EBF1: variants seen among roughly 807,000 people sequenced by gnomAD.
EBF1 encodes the protein transcription factor COE1.
Under a neutral mutation model 68.4 loss-of-function variants are expected in EBF1, and 10 were observed. The ratio of observed to expected loss-of-function variants is 0.15; its 90% CI spans 0.09 to 0.25. The LOEUF (loss-of-function observed/expected upper bound fraction) is 0.25. EBF1 is among the 10% of genes least tolerant of loss of function. The pLI is 1.00. For synonymous variants in EBF1, 298 were observed against 299.8 expected (o/e 0.99, Z 0.06); for missense variants, 509 against 794.4 (o/e 0.64, Z 4.32).
intron 6 of EBF1, among the ~76,000 whole-genome samples, chr5:158,867,401 G>A (rs1397358192): frequency 6.6e-6 from 1 of 152,134 alleles, no homozygotes; most frequent in African/African-American, 2.4e-5. Flanking sequence ...CTTTACCTCC[G>A]TATTTTCATC....
At position 159,036,326 on chromosome 5, in the gene EBF1, A is replaced by C. The variant is rs558796239; in HGVS notation, c.554+37070T>G. Among the ~76,000 whole-genome samples the C allele has an allele frequency of 2.0e-5, 3 of 152,116 alleles. No individual in the cohort carries two copies. The East Asian group carries it at 5.8e-4, about 29-fold the overall frequency. Reference sequence around the variant, plus strand: ...CTACTTTAAAGTTCATATGGAACCAAAAAAGAGCCCACATCGCCAAGTCAA... The same window carrying C: ...CTACTTTAAAGTTCATATGGAACCACAAAAGAGCCCACATCGCCAAGTCAA... On this transcript the variant is annotated intron_variant, in intron 6 of 15. Transcript: ENST00000313708.
At chr5:159,002,379 T>C (rs114318530) in intron 6 of EBF1, among the ~76,000 whole-genome samples, 11 of 152,200 alleles carry the variant, frequency 7.2e-5, no homozygotes, top group Non-Finnish European at 1.5e-4. Context: ...ATGCCCTCAC[T>C]GAAAAAGGCA....
At chr5:159,010,628 C>T (rs1352568133) in intron 6 of EBF1, among the ~76,000 whole-genome samples, 1 of 152,188 alleles carries the variant, frequency 6.6e-6, no homozygotes, top group African/African-American at 2.4e-5. Flanking sequence ...GTCTCCACAA[C>T]TCTTTTAGAG....
At chr5:158,726,679 T>A (rs1321990823) in intron 11 of EBF1, among the ~76,000 whole-genome samples, 2 of 152,004 alleles carry the variant, frequency 1.3e-5, no homozygotes, top group African/African-American at 4.8e-5. Flanking sequence ...GCCTTCTCAG[T>A]AGGGAAATGA....
intron 6 of EBF1, among the ~76,000 whole-genome samples, chr5:158,919,458 T>C (rs550167295): frequency 6.6e-6 from 1 of 152,274 alleles, no homozygotes; most frequent in African/African-American, 2.4e-5. Context: ...CCAAATAATG[T>C]GCTGGAAAAC....
intron 6 of EBF1, among the ~76,000 whole-genome samples, chr5:159,059,504 A>G (rs1475223158): frequency 6.6e-6 from 1 of 152,254 alleles, no homozygotes; most frequent in Non-Finnish European, 1.5e-5. Context: ...CTCAGGAAGA[A>G]CACCACAACG....
chr5:158,876,869 G>A (rs1295861841), intron 6 of EBF1, among the ~76,000 whole-genome samples: 1 of 152,196 alleles, frequency 6.6e-6, no homozygotes, highest in East Asian at 1.9e-4. Flanking sequence ...CCCAGCTTTG[G>A]ATTTTCATAA....
At chr5:158,790,432 T>A (rs1426724024) in intron 9 of EBF1, among the ~76,000 whole-genome samples, 1 of 152,094 alleles carries the variant, frequency 6.6e-6, no homozygotes, top group Non-Finnish European at 1.5e-5. Flanking sequence ...ATGACTTGGC[T>A]CCATTAACAT....
chr5:158,885,929 C>G (rs1799950326), intron 6 of EBF1, among the ~76,000 whole-genome samples: 1 of 152,210 alleles, frequency 6.6e-6, no homozygotes, highest in East Asian at 1.9e-4. Flanking sequence ...GTTGAAATTG[C>G]TTCTCTGCCT....
chr5:159,095,372 C>T (rs999184918), intron 4 of EBF1, among the ~76,000 whole-genome samples: 3 of 152,174 alleles, frequency 2.0e-5, no homozygotes, highest in Non-Finnish European at 1.5e-5. Context: ...CGCCACTCAG[C>T]ACCCTGCAGT....
chr5:158,719,943 T>G (rs933127836), intron 11 of EBF1, among the ~76,000 whole-genome samples: 1 of 152,118 alleles, frequency 6.6e-6, no homozygotes, highest in Non-Finnish European at 1.5e-5. Flanking sequence ...CAAGCATCCA[T>G]AATCAAAGTC....
At chr5:158,802,340 T>C (rs1410059328) in intron 8 of EBF1, among the ~76,000 whole-genome samples, 1 of 152,164 alleles carries the variant, frequency 6.6e-6, no homozygotes, top group East Asian at 1.9e-4. Context: ...CTAAATACAC[T>C]GGAGAAACAA....
chr5:158,824,853 C>T (rs539598715), intron 7 of EBF1, among the ~76,000 whole-genome samples: 4 of 152,336 alleles, frequency 2.6e-5, no homozygotes, highest in South Asian at 2.1e-4. Context: ...TGGCAAAATA[C>T]GATGAATTTC....
At chr5:158,842,621 C>T (rs896273570) in intron 6 of EBF1, among the ~76,000 whole-genome samples, 2 of 152,152 alleles carry the variant, frequency 1.3e-5, no homozygotes, top group African/African-American at 2.4e-5. Context: ...CAATAACAGG[C>T]CTTACTGTAT....
At chr5:159,054,262 C>CA (rs999179785) in intron 6 of EBF1, among the ~76,000 whole-genome samples, 5 of 151,606 alleles carry the variant, frequency 3.3e-5, no homozygotes, top group Admixed American at 1.3e-4. Context: ...GGAAAGCAAA[C>CA]AAAAAAACAG....
At chr5:158,751,868 G>T (rs1244197442) in intron 10 of EBF1, among the ~76,000 whole-genome samples, 1 of 152,076 alleles carries the variant, frequency 6.6e-6, no homozygotes, top group African/African-American at 2.4e-5. Flanking sequence ...TTTGTAAGTT[G>T]CTGAGGCAAG....
intron 8 of EBF1, among the ~76,000 whole-genome samples, chr5:158,814,347 TA>T (rs1203759919): frequency 2.6e-5 from 4 of 151,218 alleles, no homozygotes; most frequent in Non-Finnish European, 5.9e-5. Flanking sequence ...CCTGTCTCAT[TA>T]AAAAAAAAGT....
rs1281459490 is a variant in EBF1, at chr5:158,702,707, G to A, written c.1745-3565C>T. Among the ~76,000 whole-genome samples, 8 of 115,060 alleles carry A rather than the reference G, an allele frequency of 7.0e-5. No individual in the cohort carries two copies. The South Asian group carries it at 2.1e-3, about 30-fold the overall frequency. 75.5% of individuals were successfully genotyped at this position (115,060 alleles called of 152,430 possible). A position where few individuals can be genotyped will look rare whatever the true frequency, so the allele number is the denominator to read the frequency against. On this transcript the variant is annotated intron_variant, in intron 15 of 15. Coordinates refer to ENST00000313708, the MANE Select transcript of EBF1 (RefSeq NM_024007.5). Reference sequence around the variant, plus strand: ...TGCAGTGAGCCGAGATCGCGCCACTGCACTCCAGCCTGGGCTACAGAGGGA... The same window carrying A: ...TGCAGTGAGCCGAGATCGCGCCACTACACTCCAGCCTGGGCTACAGAGGGA...
At chr5:158,756,979 A>AG (rs1770252931) in intron 10 of EBF1, among the ~76,000 whole-genome samples, 2 of 147,938 alleles carry the variant, frequency 1.4e-5, no homozygotes, top group South Asian at 4.3e-4. Flanking sequence ...CTCATGCTGA[A>AG]AAAAAAAAAA....
Sources: gnomAD v4.1 joint callset for allele counts (sites outside exome capture counted in the v4.1 genomes callset) on GRCh38, gnomAD v4.1.1 for gene constraint, MANE v1.5 for transcripts, NCBI Gene and HGNC (gene_info 2026-07-23, HGNC 2026-07-21) for gene names.